TBCK: variants seen among roughly 807,000 people sequenced by gnomAD.
TBCK encodes the protein TBC1 domain containing kinase.
Under a neutral mutation model 113.4 loss-of-function variants are expected in TBCK, and 99 were observed. The observed-to-expected ratio is 0.87, with a 90% CI of 0.74 to 1.03. The LOEUF is 1.03. Among genes scored for constraint, TBCK ranks in the 50% least tolerant of loss-of-function variants. TBCK has a pLI of 0.00. For synonymous variants in TBCK, 369 were observed against 370.8 expected (o/e 1.00, Z 0.05); for missense variants, 1,045 against 1,061.3 (o/e 0.98, Z 0.21).
chr4:106,125,341 G>A (rs1745061791), intron 23 of TBCK, among the ~76,000 whole-genome samples: 1 of 151,978 alleles, frequency 6.6e-6, no homozygotes, highest in Non-Finnish European at 1.5e-5. Context: ...ATCAATGGAT[G>A]AATAAAGAAA....
At chr4:106,089,546 C>T (rs915882903) in intron 25 of TBCK, among the ~76,000 whole-genome samples, 2 of 152,190 alleles carry the variant, frequency 1.3e-5, no homozygotes, top group Non-Finnish European at 2.9e-5. Context: ...ACTCAAGTCT[C>T]AAGTGCCAAG....
intron 19 of TBCK, among the ~76,000 whole-genome samples, chr4:106,217,496 A>T (rs918543070): frequency 6.6e-6 from 1 of 152,222 alleles, no homozygotes; most frequent in African/African-American, 2.4e-5. Context: ...AATCTCCTTT[A>T]GCTGATAAGC....
At chr4:106,084,879 A>G (rs1739317764) in intron 25 of TBCK, among the ~76,000 whole-genome samples, 2 of 152,208 alleles carry the variant, frequency 1.3e-5, no homozygotes, top group African/African-American at 4.8e-5. Context: ...ACAGACAAGC[A>G]AATGCTGAGG....
At chr4:106,063,202 A>G (rs1736245658) in intron 25 of TBCK, among the ~76,000 whole-genome samples, 1 of 152,014 alleles carries the variant, frequency 6.6e-6, no homozygotes, top group Non-Finnish European at 1.5e-5. Context: ...GCAAGGCAAG[A>G]AAAATGTCAG....
chr4:106,134,564 CT>C (rs1746346097), intron 23 of TBCK, among the ~76,000 whole-genome samples: 1 of 152,136 alleles, frequency 6.6e-6, no homozygotes, highest in African/African-American at 2.4e-5. Flanking sequence ...GGGGAATTGA[CT>C]TTGTGGAAAA....
rs775849011 is a variant in TBCK, at chr4:106,244,631, G to C, written c.1065C>G (p.Leu355=). 2 of 1,588,988 alleles carry C rather than the reference G, an allele frequency of 1.3e-6. No individual in the cohort carries two copies. Among genetic ancestry groups the C allele is most frequent in the East Asian group, 4.6e-5 (2 of 43,786 alleles). The change falls in exon 11 of 26, where the codon CTC becomes CTG. Residue 355 remains leucine, a synonymous_variant. Coordinates refer to ENST00000394708, the MANE Select transcript of TBCK (RefSeq NM_001163435.3). ...AGAGAAGTTTCTTTCCTTACTTGGG[G>C]AGTGTGCAGATAGGTGGTTTGGATC... The part of the protein sequence containing the change: ...IIRSKPPICT[L]PNFLFEDGES...
chr4:106,070,241 A>G (rs749747151), intron 25 of TBCK, among the ~76,000 whole-genome samples: 138 of 152,294 alleles, frequency 9.1e-4, no homozygotes, highest in Non-Finnish European at 1.8e-3. Context: ...GAAGGCTTCC[A>G]GTTTTAGCCC....
At chr4:106,114,191 TAGG>T (rs974671626) in intron 24 of TBCK, among the ~76,000 whole-genome samples, 5 of 152,160 alleles carry the variant, frequency 3.3e-5, no homozygotes, top group African/African-American at 1.2e-4. Context: ...GGGGGAGATG[TAGG>T]AGATCAGTCA....
chr4:106,313,501 T>TA (rs1444490633), intron 1 of TBCK, among the ~76,000 whole-genome samples: 1 of 152,208 alleles, frequency 6.6e-6, no homozygotes, highest in Non-Finnish European at 1.5e-5. Flanking sequence ...ATACGAACAT[T>TA]AAAAAATAAA....
intron 1 of TBCK, among the ~76,000 whole-genome samples, chr4:106,313,957 A>G (rs1768468204): frequency 6.6e-6 from 1 of 152,236 alleles, no homozygotes; most frequent in Admixed American, 6.5e-5. Context: ...TGATATCATA[A>G]ATAATCTCCT....
chr4:106,151,342 C>G (rs1237005475), intron 23 of TBCK, among the ~76,000 whole-genome samples: 1 of 151,932 alleles, frequency 6.6e-6, no homozygotes, highest in Non-Finnish European at 1.5e-5. Context: ...TCCCAATTCT[C>G]AACACACACC....
At chr4:106,268,411 G>T (rs1763178053) in intron 3 of TBCK, among the ~76,000 whole-genome samples, 2 of 151,972 alleles carry the variant, frequency 1.3e-5, no homozygotes, top group African/African-American at 4.8e-5. Flanking sequence ...TGTCTGTAAT[G>T]TGCATGTTCA....
chr4:106,123,607 A>T (rs1744743761), intron 23 of TBCK, among the ~76,000 whole-genome samples: 1 of 152,168 alleles, frequency 6.6e-6, no homozygotes, highest in Admixed American at 6.5e-5. Flanking sequence ...GCATCACACT[A>T]CCTGACTTCA....
chr4:106,117,360 T>C (rs1743645103), intron 23 of TBCK, among the ~76,000 whole-genome samples: 1 of 152,230 alleles, frequency 6.6e-6, no homozygotes, highest in Non-Finnish European at 1.5e-5. Flanking sequence ...TGTTGGACTT[T>C]TATAATATAA....
chr4:106,263,946 T>C (rs1180694957), intron 3 of TBCK, among the ~76,000 whole-genome samples: 3 of 151,988 alleles, frequency 2.0e-5, no homozygotes, highest in Non-Finnish European at 2.9e-5. Context: ...AAGTCCTTTT[T>C]ATTACATTGT....
intron 3 of TBCK, among the ~76,000 whole-genome samples, chr4:106,275,951 A>G (rs1763983266): frequency 6.6e-6 from 1 of 152,166 alleles, no homozygotes; most frequent in African/African-American, 2.4e-5. Flanking sequence ...AGAACCAAAA[A>G]TAGCTAAAGC....
At chr4:106,251,388 C>T (rs1490730609) in intron 6 of TBCK, among the ~76,000 whole-genome samples, 3 of 151,378 alleles carry the variant, frequency 2.0e-5, no homozygotes, top group Non-Finnish European at 3.0e-5. Context: ...AAAAGAGATG[C>T]TTTGATTTTT....
At chr4:106,085,529 AC>A (rs539569102) in intron 25 of TBCK, among the ~76,000 whole-genome samples, 1 of 152,144 alleles carries the variant, frequency 6.6e-6, no homozygotes, top group Non-Finnish European at 1.5e-5. Flanking sequence ...AGACTTCAAC[AC>A]CCCACTGTCA....
intron 23 of TBCK, among the ~76,000 whole-genome samples, chr4:106,166,581 C>T (rs1750394657): frequency 1.3e-5 from 2 of 151,524 alleles, no homozygotes; most frequent in Non-Finnish European, 3.0e-5. Flanking sequence ...GACCACAGTA[C>T]CCAATAGGTA....
Sources: gnomAD v4.1 joint callset for allele counts (sites outside exome capture counted in the v4.1 genomes callset) on GRCh38, gnomAD v4.1.1 for gene constraint, MANE v1.5 for transcripts, NCBI Gene and HGNC (gene_info 2026-07-23, HGNC 2026-07-21) for gene names.